Variants in VRTN observed in about 807,000 individuals in gnomAD.
The protein encoded by VRTN is vertebrae development associated.
Under a neutral mutation model 18.2 loss-of-function variants are expected in VRTN, and 5 were observed. The observed-to-expected ratio is 0.27, with a 90% CI of 0.14 to 0.58. The LOEUF (loss-of-function observed/expected upper bound fraction) is 0.58. VRTN is among the 20% of genes least tolerant of loss of function. The pLI, the probability that VRTN is intolerant of heterozygous loss-of-function variation, is 0.91. For missense variants in VRTN, 741 were observed against 939.4 expected, an observed-to-expected ratio of 0.79 and a Z score of 2.76; for synonymous variants, 381 against 393.7, an observed-to-expected ratio of 0.97 and a Z score of 0.38.
chr14:74,326,488 T>C (rs568467289), intron 1 of VRTN, among the ~76,000 whole-genome samples: 162 of 152,212 alleles, frequency 1.1e-3, no homozygotes, highest in Non-Finnish European at 1.9e-3. Context: ...AGGAATCTGT[T>C]TGTCATCCAC....
upstream of VRTN, among the ~76,000 whole-genome samples, chr14:74,346,492 C>A (rs2085645440): frequency 6.6e-6 from 1 of 152,042 alleles, no homozygotes; most frequent in Non-Finnish European, 1.5e-5. Flanking sequence ...TAGCTCACTG[C>A]AGCTTCTACC....
rs898413253 is a variant in VRTN at position 74,332,022 on chromosome 14, G to A, written c.-163-5701G>A. 7.2e-5 allele frequency among the ~76,000 whole-genome samples: 11 copies of A among 152,164 alleles called. 1 individual carries two copies. In the South Asian group the frequency reaches 2.3e-3, roughly 32 times the overall value. ...ATCTGGGATTACTTTGCTTAGAGAT[G>A]ATAGGACACCTTAAAAGACTGTGCC... On this transcript the variant is annotated intron_variant, in intron 1 of 2. Transcript: ENST00000557177.
rs2085756086 is a variant in VRTN, at chr14:74,358,631, G to C, written c.1848G>C (p.Gln616His). Residue 616 changes from glutamine to histidine, a missense_variant, in exon 2 of 2, where the codon CAG (glutamine) becomes CAC (histidine). Coordinates refer to ENST00000256362, the MANE Select transcript of VRTN (RefSeq NM_018228.3). This position sits in a 1 kb window ranked among gnomAD's most constrained non-coding sequence, Gnocchi z 5.4. ...EGALQEGATA[Q>H]GQPHSGPLLS... is the part of the protein sequence containing the mutation. ...CCCTGCAGGAGGGGGCCACAGCCCA[G>C]GGCCAGCCCCACAGTGGGCCCTTGC... The C allele has an allele frequency of 1.9e-6, 3 of 1,607,294 alleles. No homozygotes were observed. The East Asian group carries it at 6.7e-5, about 36-fold the overall frequency.
chr14:74,329,087 A>G (rs185591019), intron 1 of VRTN, among the ~76,000 whole-genome samples: 56 of 152,216 alleles, frequency 3.7e-4, no homozygotes, highest in African/African-American at 1.3e-3. Flanking sequence ...CCTGATCAAC[A>G]TGGAGAAACT....
chr14:74,328,317 T>G (rs1012451317), intron 1 of VRTN, among the ~76,000 whole-genome samples: 3 of 152,190 alleles, frequency 2.0e-5, no homozygotes, highest in Non-Finnish European at 4.4e-5. Flanking sequence ...CCAGTGGATC[T>G]CTGTAGTCCG....
At chr14:74,322,144 C>A (rs925059171) in intron 1 of VRTN, among the ~76,000 whole-genome samples, 1 of 148,654 alleles carries the variant, frequency 6.7e-6, no homozygotes, top group Admixed American at 6.9e-5. Flanking sequence ...CCGTGCCCGG[C>A]TCCCCATATT....
chr14:74,333,801 T>C (rs915296354), intron 1 of VRTN, among the ~76,000 whole-genome samples: 17 of 151,094 alleles, frequency 1.1e-4, no homozygotes, highest in African/African-American at 4.1e-4. Flanking sequence ...GATCGCGCCA[T>C]TGCACTCCAG....
chr14:74,335,006 G>C (rs946488571), intron 1 of VRTN, among the ~76,000 whole-genome samples: 4 of 152,170 alleles, frequency 2.6e-5, no homozygotes, highest in African/African-American at 9.7e-5. Flanking sequence ...CAAAGGCCAG[G>C]CACGGTGGCT....
intron 1 of VRTN, among the ~76,000 whole-genome samples, chr14:74,331,540 A>ATT (rs2085523300): frequency 1.1e-5 from 1 of 91,096 alleles, no homozygotes; most frequent in Non-Finnish European, 2.1e-5. Flanking sequence ...AAAAAAAAAA[A>ATT]ATTTTATATA....
intron 1 of VRTN, among the ~76,000 whole-genome samples, chr14:74,318,711 C>CTTTT (rs35673718): frequency 2.5e-5 from 3 of 121,688 alleles, no homozygotes; most frequent in Admixed American, 8.5e-5. Context: ...CGTGTCCGGC[C>CTTTT]TTTTTTTTTT....
intron 1 of VRTN, among the ~76,000 whole-genome samples, chr14:74,314,864 C>A (rs2085410143): frequency 6.6e-6 from 1 of 152,160 alleles, no homozygotes; most frequent in Admixed American, 6.6e-5. Flanking sequence ...GTGTTCCTTT[C>A]TCCTGGGTTT....
intron 1 of VRTN, among the ~76,000 whole-genome samples, chr14:74,326,806 C>T (rs547228181): frequency 0.045 from 5 of 112 alleles, no homozygotes; most frequent in Admixed American, 0.12. Context: ...CTCATGGCCA[C>T]GGCTCAGGCC....
At chr14:74,334,653 T>C (rs1327482249) in intron 1 of VRTN, among the ~76,000 whole-genome samples, 3 of 152,210 alleles carry the variant, frequency 2.0e-5, no homozygotes, top group African/African-American at 4.8e-5. Context: ...AGCAAAATGG[T>C]TAAACTTCCC....
At chr14:74,334,434 G>A (rs936087739) in intron 1 of VRTN, among the ~76,000 whole-genome samples, 15 of 152,182 alleles carry the variant, frequency 9.9e-5, no homozygotes, top group Admixed American at 5.9e-4. Context: ...GGAGGCTGAG[G>A]TGGGAGCATC....
chr14:74,356,752 A>C, intron 1 of VRTN, 31 bp from the exon 2 acceptor site: 1 of 1,544,994 alleles, frequency 6.5e-7, no homozygotes, highest in Non-Finnish European at 8.7e-7. Context: ...CTTCGACCTG[A>C]CTACTGCCCC....
intron 2 of VRTN, among the ~76,000 whole-genome samples, chr14:74,338,589 C>G (rs1201443807): frequency 6.6e-6 from 1 of 152,220 alleles, no homozygotes; most frequent in African/African-American, 2.4e-5. Flanking sequence ...GAATCTTGCT[C>G]TGTTGCCCAG....
At chr14:74,327,765 G>T (rs990809643) in intron 1 of VRTN, among the ~76,000 whole-genome samples, 1 of 152,122 alleles carries the variant, frequency 6.6e-6, no homozygotes, top group African/African-American at 2.4e-5. Flanking sequence ...TGCCCAGGCA[G>T]GAGTGCAGTG....
chr14:74,324,635 C>A lies in VRTN; in HGVS notation c.-163-13088C>A, dbSNP rs138972608. On this transcript the variant is annotated intron_variant, in intron 1 of 2. Coordinates refer to the VRTN transcript ENST00000557177. ...GGGTGTGGTGGCTCACACCTGTAATCCCAGCACTTTGGGAGGCCGAGGCAG... is the reference window on the plus strand; with the variant it reads ...GGGTGTGGTGGCTCACACCTGTAATACCAGCACTTTGGGAGGCCGAGGCAG... Among the ~76,000 whole-genome samples the A allele has an allele frequency of 2.1e-3, 326 of 152,126 alleles. 19 individuals carry two copies. In the East Asian group the frequency reaches 0.058, roughly 27 times the overall value.
chr14:74,344,846 T>A (rs2085633673), upstream of VRTN, among the ~76,000 whole-genome samples: 2 of 151,180 alleles, frequency 1.3e-5, 1 homozygote, highest in South Asian at 4.2e-4. Context: ...AAAAGCAAGG[T>A]GCATAAGAGT....
Sources: gnomAD v4.1 joint callset for allele counts (sites outside exome capture counted in the v4.1 genomes callset) on GRCh38, gnomAD v4.1.1 for gene constraint, Gnocchi (gnomAD v3.1) non-coding constraint, MANE v1.5 for transcripts, NCBI Gene and HGNC (gene_info 2026-07-23, HGNC 2026-07-21) for gene names.